The following FGFR2 variants were observed in gnomAD, a reference collection of about 807,000 sequenced individuals.
FGFR2 encodes the protein BEK fibroblast growth factor receptor.
Under a neutral mutation model 95.9 loss-of-function variants are expected in FGFR2, and 19 were observed. That is an observed-to-expected ratio of 0.20 (90% CI 0.14 to 0.29). The LOEUF (loss-of-function observed/expected upper bound fraction) is 0.29, where lower values mean the gene tolerates loss of function less well. Ranked by LOEUF, FGFR2 falls within the 10% of genes least tolerant of loss-of-function variation. FGFR2 has a pLI of 1.00. For synonymous variants in FGFR2, 392 were observed against 393.3 expected, an observed-to-expected ratio of 1.00 and a Z score of 0.04; for missense variants, 707 against 1,056.9, an observed-to-expected ratio of 0.67 and a Z score of 4.59.
intron 10 of FGFR2, among the ~76,000 whole-genome samples, chr10:121,502,984 C>T (rs1196103879): frequency 2.6e-5 from 4 of 152,142 alleles, no homozygotes; most frequent in Non-Finnish European, 2.9e-5. Flanking sequence ...GTTACCACCA[C>T]GTGAAGGGAA....
intron 1 of FGFR2, among the ~76,000 whole-genome samples, chr10:121,596,220 T>C (rs535614614): frequency 6.6e-6 from 1 of 152,200 alleles, no homozygotes; most frequent in African/African-American, 2.4e-5. Flanking sequence ...CTCTGATGGA[T>C]GGCTCTTCTC....
intron 5 of FGFR2, among the ~76,000 whole-genome samples, chr10:121,548,644 G>A (rs748872825): frequency 1.3e-5 from 2 of 152,024 alleles, no homozygotes; most frequent in Admixed American, 6.6e-5. Flanking sequence ...GGGGTCTCTG[G>A]AGCCTCATCA....
intron 1 of FGFR2, chr10:121,594,227 G>A (rs1863113506): frequency 7.6e-6 from 3 of 396,830 alleles, no homozygotes; most frequent in Non-Finnish European, 9.3e-6. Context: ...ACTCAGATAC[G>A]TGCAGCCACT....
chr10:121,524,473 TC>T (rs1181235527), intron 6 of FGFR2, among the ~76,000 whole-genome samples: 2 of 152,204 alleles, frequency 1.3e-5, no homozygotes, highest in African/African-American at 4.8e-5. Context: ...GGCTTTGATT[TC>T]CTTTGCAACC....
intron 4 of FGFR2, among the ~76,000 whole-genome samples, chr10:121,562,343 G>A (rs530811652): frequency 3.6e-4 from 54 of 151,490 alleles, no homozygotes; most frequent in African/African-American, 1.3e-3. Flanking sequence ...GGAGTGCAGT[G>A]GTGTGATCTC....
chr10:121,521,418 C>T (rs772337373), intron 6 of FGFR2, among the ~76,000 whole-genome samples: 6 of 152,180 alleles, frequency 3.9e-5, no homozygotes, highest in Non-Finnish European at 7.3e-5. Flanking sequence ...GACAATCAAG[C>T]CAAGGTGTGC....
chr10:121,577,087 A>G (rs1381703137), intron 2 of FGFR2, among the ~76,000 whole-genome samples: 3 of 140,086 alleles, frequency 2.1e-5, no homozygotes, highest in Non-Finnish European at 4.6e-5. Flanking sequence ...GTGAGCCAAG[A>G]TCACGCCACT....
At chr10:121,489,246 G>A (rs997290968) in intron 13 of FGFR2, among the ~76,000 whole-genome samples, 3 of 152,014 alleles carry the variant, frequency 2.0e-5, no homozygotes, top group African/African-American at 2.4e-5. Flanking sequence ...CTAATATTTT[G>A]TATTTTTAGT....
At chr10:121,528,642 A>C (rs1188154234) in intron 6 of FGFR2, among the ~76,000 whole-genome samples, 1 of 152,248 alleles carries the variant, frequency 6.6e-6, no homozygotes, top group Admixed American at 6.5e-5. Flanking sequence ...GATAGGAATA[A>C]CATGAGAGGC....
rs1177338316 is a variant in FGFR2 at position 121,487,428 on chromosome 10, C to A, written c.1987-4G>T. ...TCCACTTGACTGGAAGCCGCCCCTG[C>A]AAATGTAGAGGAAAATGCAAAAACT... On this transcript the variant is annotated splice_region_variant and splice_polypyrimidine_tract_variant and intron_variant, in intron 14 of 17. Transcript: ENST00000358487. The A allele has an allele frequency of 5.6e-6, 9 of 1,613,554 alleles. No homozygotes were observed. The highest frequency in any genetic ancestry group is 3.3e-4 in the Middle Eastern group (2 of 6,068).
At position 121,485,637 on chromosome 10, in the gene FGFR2, G is replaced by A; in HGVS notation, c.2058-105C>T. 1.3e-6 allele frequency: 2 copies of A among 1,487,132 alleles called. No homozygotes were observed. Among genetic ancestry groups the A allele is most frequent in the Non-Finnish European group, 1.9e-6 (2 of 1,077,526 alleles). The allele number at this position is 1,487,132 out of a possible 1,614,324, so 92.1% of individuals were successfully genotyped here. On this transcript the variant is annotated intron_variant, in intron 15 of 17. Coordinates refer to ENST00000358487, the MANE Select transcript of FGFR2 (RefSeq NM_000141.5). This position sits in a 1 kb window ranked among gnomAD's most constrained non-coding sequence, Gnocchi z 4.2. The stretch of plus-strand genomic sequence containing the variant: ...CACCTCCTCACTTCTGAAGTTCAAA[G>A]ACAAATGGGCCCTCCTGCAGTTCCT...
In FGFR2 at chr10:121,531,804, AG is replaced by A. The variant is rs1852111655; in HGVS notation, c.748+6787del. ...AACCTCCAGAGAGGGCATCTGGCAC[AG>A]AGTAGAGACCCTTAGGGGTTGTCTG... On this transcript the variant is annotated intron_variant, in intron 6 of 17. Coordinates refer to ENST00000358487, the MANE Select transcript of FGFR2 (RefSeq NM_000141.5). This position sits in a 1 kb window ranked among gnomAD's most constrained non-coding sequence, Gnocchi z 4.5. 1.3e-5 allele frequency among the ~76,000 whole-genome samples: 2 copies of A among 152,268 alleles called. No individual in the cohort carries two copies. The highest frequency in any genetic ancestry group is 4.1e-4 in the South Asian group (2 of 4,824).
rs142755962 is a variant in FGFR2 at position 121,524,146 on chromosome 10, A to ACACCCCC, written c.749-3978_749-3977insGGGGGTG. Among the ~76,000 whole-genome samples the ACACCCCC allele has an allele frequency of 8.2e-3, 1,123 of 136,762 alleles. 6 individuals are homozygous for ACACCCCC. Among genetic ancestry groups the ACACCCCC allele is most frequent in the Non-Finnish European group, 0.012 (800 of 64,464 alleles). 89.7% of individuals were successfully genotyped at this position (136,762 alleles called of 152,430 possible). Reference sequence around the variant, plus strand: ...CACACACACACACACACACACACACACCCCAAGTTTGCAATGGTTTAATGT... The same window carrying ACACCCCC: ...CACACACACACACACACACACACACACACCCCCCCCCAAGTTTGCAATGGTTTAATGT... On this transcript the variant is annotated intron_variant, in intron 6 of 17. Coordinates refer to ENST00000358487, the MANE Select transcript of FGFR2 (RefSeq NM_000141.5).
intron 2 of FGFR2, among the ~76,000 whole-genome samples, chr10:121,593,377 G>A (rs185448810): frequency 6.6e-6 from 1 of 152,174 alleles, no homozygotes; most frequent in Non-Finnish European, 1.5e-5. Context: ...GATGCTGGGG[G>A]AGACTAGAGA....
In FGFR2 at chr10:121,518,549, A is replaced by C; in HGVS notation, c.940-1086T>G. ...TCATACCAGCTGCATCACCGAAGAAAGATTATTATAAATATACCAAGGCCA... is the reference window on the plus strand; with the variant it reads ...TCATACCAGCTGCATCACCGAAGAACGATTATTATAAATATACCAAGGCCA... On this transcript the variant is annotated intron_variant, in intron 7 of 17. Coordinates refer to ENST00000358487, the MANE Select transcript of FGFR2 (RefSeq NM_000141.5). This position sits in a 1 kb window ranked among gnomAD's most constrained non-coding sequence, Gnocchi z 4.0. 9.9e-7 allele frequency: 1 copy of C among 1,007,268 alleles called. No homozygotes were observed. Among genetic ancestry groups the C allele is most frequent in the Non-Finnish European group, 1.4e-6 (1 of 691,054 alleles). 62.4% of individuals were successfully genotyped at this position (1,007,268 alleles called of 1,614,324 possible).
chr10:121,591,672 T>C (rs760993474), intron 2 of FGFR2, among the ~76,000 whole-genome samples: 2 of 152,196 alleles, frequency 1.3e-5, no homozygotes, highest in Non-Finnish European at 2.9e-5. Context: ...CATCTTTTCT[T>C]TTCCATCTCA....
At position 121,530,618 on chromosome 10, in the gene FGFR2, T is replaced by A. The variant is rs1489574395; in HGVS notation, c.748+7974A>T. On this transcript the variant is annotated intron_variant, in intron 6 of 17. Transcript: ENST00000358487. ...GCCTGTGCAACAGAACAAGACTCCG[T>A]CTCATAAAACTTCCCAACTGAGGTC... Among the ~76,000 whole-genome samples, 5 of 152,272 alleles carry A rather than the reference T, an allele frequency of 3.3e-5. No individual in the cohort carries two copies. In the East Asian group the frequency reaches 7.7e-4, roughly 24 times the overall value.
intron 6 of FGFR2, among the ~76,000 whole-genome samples, chr10:121,524,135 CACACACACACA>C (rs1850975465): frequency 1.3e-5 from 2 of 149,080 alleles, no homozygotes; most frequent in African/African-American, 4.9e-5. Context: ...CACACACACA[CACACACACACA>C]CCCCAAGTTT....
chr10:121,547,522 G>A (rs542720678), intron 5 of FGFR2, among the ~76,000 whole-genome samples: 3 of 151,600 alleles, frequency 2.0e-5, no homozygotes, highest in Non-Finnish European at 4.4e-5. Flanking sequence ...AGCTGCTTGA[G>A]TAGCTGGGAC....
Sources: gnomAD v4.1 joint callset for allele counts (sites outside exome capture counted in the v4.1 genomes callset) on GRCh38, gnomAD v4.1.1 for gene constraint, Gnocchi (gnomAD v3.1) non-coding constraint, MANE v1.5 for transcripts, NCBI Gene and HGNC (gene_info 2026-07-23, HGNC 2026-07-21) for gene names.